LIMS4: variants seen among roughly 807,000 people sequenced by gnomAD.
LIMS4 encodes LIM and senescent cell antigen-like-containing domain protein 4.
chr2:110,433,165 A>C, the LIMS4 span, among the ~76,000 whole-genome samples: 1 of 127,986 alleles, frequency 7.8e-6, no homozygotes, highest in Non-Finnish European at 1.7e-5. Context: ...TTGCCCTGCA[A>C]CTCCTCTCCA....
the LIMS4 span, among the ~76,000 whole-genome samples, chr2:110,365,272 A>G: frequency 6.7e-6 from 1 of 150,292 alleles, no homozygotes; most frequent in Admixed American, 6.6e-5. Flanking sequence ...TCTAAAACTG[A>G]CCACACAATC....
At chr2:110,442,878 T>C (rs1688164420), downstream of LIMS4, among the ~76,000 whole-genome samples, 1 of 152,216 alleles carries the variant, frequency 6.6e-6, no homozygotes, top group Non-Finnish European at 1.5e-5. Context: ...TTTGTATTTT[T>C]AGTAGAGACA....
the LIMS4 span, among the ~76,000 whole-genome samples, chr2:110,425,406 T>C: frequency 7.2e-6 from 1 of 139,428 alleles, no homozygotes; most frequent in Non-Finnish European, 1.5e-5. Flanking sequence ...AAAGACTTAG[T>C]GCTAGGTGCT....
the LIMS4 span, among the ~76,000 whole-genome samples, chr2:110,391,283 A>G: frequency 1.4e-5 from 2 of 143,982 alleles, no homozygotes; most frequent in Non-Finnish European, 3.0e-5. Context: ...GCCCAGCTCA[A>G]CAGGGTGCTT....
chr2:110,386,914 G>A, the LIMS4 span: 2 of 689,078 alleles, frequency 2.9e-6, no homozygotes, highest in Non-Finnish European at 5.2e-6. Flanking sequence ...GGACCTGTGT[G>A]CTTACCATCC....
chr2:110,362,464 CA>C, the LIMS4 span: 8 of 1,163,286 alleles, frequency 6.9e-6, no homozygotes, highest in Non-Finnish European at 9.8e-6. Flanking sequence ...TGAGTAGGAA[CA>C]TTGCATTACC....
At chr2:110,403,566 T>C in the LIMS4 span, 1 of 137,588 alleles carries the variant, frequency 7.3e-6, no homozygotes, top group Admixed American at 7.7e-5. Flanking sequence ...CCCTTAATTT[T>C]ACTGAAAATT....
the LIMS4 span, among the ~76,000 whole-genome samples, chr2:110,385,195 C>A: frequency 6.6e-6 from 1 of 150,628 alleles, no homozygotes; most frequent in Non-Finnish European, 1.5e-5. Flanking sequence ...GTTCACAGCC[C>A]CCATGGGGCC....
chr2:110,360,579 G>A, the LIMS4 span: 1 of 951,390 alleles, frequency 1.1e-6, no homozygotes, highest in Non-Finnish European at 1.5e-6. Context: ...AATGTGGACA[G>A]GGATTTTCCT....
At chr2:110,453,612 C>T (rs1688241793) in intron 5 of LIMS4, among the ~76,000 whole-genome samples, 1 of 152,176 alleles carries the variant, frequency 6.6e-6, no homozygotes, top group Admixed American at 6.5e-5. Context: ...GCGATCTCGG[C>T]TCACTGCAAG....
the LIMS4 span, among the ~76,000 whole-genome samples, chr2:110,392,189 C>G: frequency 6.6e-6 from 1 of 151,818 alleles, no homozygotes; most frequent in African/African-American, 2.4e-5. Flanking sequence ...GTGGTTTTAC[C>G]CTCTATCTCT....
chr2:110,367,382 C>T, the LIMS4 span, among the ~76,000 whole-genome samples: 9 of 144,784 alleles, frequency 6.2e-5, no homozygotes, highest in Admixed American at 5.4e-4. Flanking sequence ...AAAACAGACA[C>T]ATAGACCATT....
chr2:110,367,000 G>A, the LIMS4 span, among the ~76,000 whole-genome samples: 1 of 150,064 alleles, frequency 6.7e-6, no homozygotes, highest in Non-Finnish European at 1.5e-5. Context: ...AAGGAATAAA[G>A]GGAACCAGGG....
chr2:110,373,649 A>G, the LIMS4 span, among the ~76,000 whole-genome samples: 5 of 151,568 alleles, frequency 3.3e-5, no homozygotes, highest in Non-Finnish European at 5.9e-5. Context: ...GACTCTCCCC[A>G]GTCACAGGGC....
At chr2:110,425,715 G>C in the LIMS4 span, among the ~76,000 whole-genome samples, 1 of 140,814 alleles carries the variant, frequency 7.1e-6, no homozygotes, top group Non-Finnish European at 1.5e-5. Flanking sequence ...GAAGAGAACT[G>C]CAAGGAACTA....
At chr2:110,395,851 T>C in the LIMS4 span, among the ~76,000 whole-genome samples, 1 of 126,542 alleles carries the variant, frequency 7.9e-6, no homozygotes, top group African/African-American at 3.6e-5. Flanking sequence ...GCCTGCACCC[T>C]CCCACCGACC....
the LIMS4 span, among the ~76,000 whole-genome samples, chr2:110,369,342 C>G: frequency 1.7e-5 from 1 of 60,506 alleles, no homozygotes; most frequent in Non-Finnish European, 2.8e-5. Flanking sequence ...TGCATTGAAC[C>G]TTGATCCTTT....
At chr2:110,382,335 T>A in the LIMS4 span, among the ~76,000 whole-genome samples, 1 of 43,410 alleles carries the variant, frequency 2.3e-5, no homozygotes. Flanking sequence ...GCACTCCACA[T>A]CCATCAGGAA....
At chr2:110,425,093 C>A in the LIMS4 span, among the ~76,000 whole-genome samples, 1 of 142,440 alleles carries the variant, frequency 7.0e-6, no homozygotes, top group Non-Finnish European at 1.5e-5. Context: ...AGCTGTAACA[C>A]TCACCAGCAA....
Sources: allele counts gnomAD v4.1 joint callset (sites outside exome capture counted in the v4.1 genomes callset), GRCh38; gene constraint gnomAD v4.1.1; transcripts MANE v1.5; gene names NCBI Gene and HGNC (gene_info 2026-07-23, HGNC 2026-07-21).